SLC8A1: variants seen among roughly 807,000 people sequenced by gnomAD.
SLC8A1 encodes solute carrier family 8 member A1, also known as sodium/calcium exchanger 1.
Under a neutral mutation model 68.3 loss-of-function variants are expected in SLC8A1, and 18 were observed. The observed-to-expected ratio is 0.26, with a 90% CI of 0.18 to 0.39. The LOEUF is 0.39. Ranked by LOEUF, SLC8A1 falls within the 10% of genes least tolerant of loss-of-function variation. The pLI, the probability that SLC8A1 is intolerant of heterozygous loss-of-function variation, is 1.00. For missense variants in SLC8A1, 985 were observed against 1,156.7 expected, an observed-to-expected ratio of 0.85 and a Z score of 2.15; for synonymous variants, 475 against 415.5, an observed-to-expected ratio of 1.14 and a Z score of -1.74.
At chr2:40,393,322 G>T (rs1370393294) in intron 2 of SLC8A1, among the ~76,000 whole-genome samples, 1 of 152,052 alleles carries the variant, frequency 6.6e-6, no homozygotes, top group Non-Finnish European at 1.5e-5. Flanking sequence ...ATTTCTCAAA[G>T]CATGTGCATT....
chr2:40,428,882 T>C, exon 2 of SLC8A1: 1 of 1,613,830 alleles, frequency 6.2e-7, no homozygotes, highest in Non-Finnish European at 8.5e-7. Context: ...TCACCAGGCT[T>C]AAACACCACA....
intron 1 of SLC8A1, among the ~76,000 whole-genome samples, chr2:40,502,279 G>A (rs1215832017): frequency 4.6e-5 from 7 of 151,986 alleles, no homozygotes; most frequent in Non-Finnish European, 1.0e-4. Context: ...CACTGAAGAA[G>A]GCACAATCAT....
intron 1 of SLC8A1, among the ~76,000 whole-genome samples, chr2:40,507,756 T>A (rs1054045168): frequency 4.6e-5 from 7 of 152,036 alleles, no homozygotes; most frequent in Admixed American, 4.6e-4. Context: ...ATTGTCAGAA[T>A]TAATAAATTA....
At chr2:40,249,143 T>G (rs769333495) in intron 2 of SLC8A1, among the ~76,000 whole-genome samples, 71 of 152,190 alleles carry the variant, frequency 4.7e-4, no homozygotes, top group Non-Finnish European at 7.3e-4. Context: ...AGCTAAGATC[T>G]GCACTACTTT....
At chr2:40,504,373 G>A (rs1365261822) in intron 1 of SLC8A1, among the ~76,000 whole-genome samples, 1 of 152,010 alleles carries the variant, frequency 6.6e-6, no homozygotes, top group African/African-American at 2.4e-5. Context: ...AAACCTTGAA[G>A]AACATCTCCA....
intron 2 of SLC8A1, among the ~76,000 whole-genome samples, chr2:40,221,449 G>A (rs532296148): frequency 6.6e-6 from 1 of 152,222 alleles, no homozygotes; most frequent in Non-Finnish European, 1.5e-5. Flanking sequence ...AAACCTGGAA[G>A]CATTCCCTTT....
rs1216356085 is a variant in SLC8A1, at chr2:40,430,312, A to G, written c.-24-8T>C. The G allele has an allele frequency of 1.3e-6, 2 of 1,570,492 alleles. No individual in the cohort carries two copies. Among genetic ancestry groups the G allele is most frequent in the Admixed American group, 3.7e-5 (2 of 53,956 alleles). ...TCCAACTGTCACAACCTACTGGTAA[A>G]AATAAGATGGGGGAGAGGGCAGAAA... On this transcript the variant is annotated splice_region_variant and splice_polypyrimidine_tract_variant and intron_variant, in intron 1 of 7. Coordinates refer to ENST00000406785, the Ensembl canonical transcript of SLC8A1.
chr2:40,196,533 C>T (rs555504713), intron 2 of SLC8A1, among the ~76,000 whole-genome samples: 65 of 151,934 alleles, frequency 4.3e-4, no homozygotes, highest in Non-Finnish European at 6.3e-4. Flanking sequence ...ATCATCAAAT[C>T]AGAGCCTCTG....
intron 2 of SLC8A1, among the ~76,000 whole-genome samples, chr2:40,296,278 A>G (rs2149250527): frequency 6.6e-6 from 1 of 152,302 alleles, no homozygotes; most frequent in Non-Finnish European, 1.5e-5. Context: ...CAAGAGGGAA[A>G]TGACTAGGTC....
intron 2 of SLC8A1, among the ~76,000 whole-genome samples, chr2:40,388,217 G>A (rs1236323398): frequency 6.6e-6 from 1 of 152,118 alleles, no homozygotes; most frequent in Non-Finnish European, 1.5e-5. Flanking sequence ...ATAATTAAAT[G>A]CATAAAAGTG....
chr2:40,421,078 C>A (rs60409867), intron 2 of SLC8A1, among the ~76,000 whole-genome samples: 9,781 of 152,068 alleles, frequency 0.064, 898 homozygotes, highest in African/African-American at 0.21. Context: ...TCACCACCAC[C>A]ACCACCAACA....
At chr2:40,387,559 C>T (rs1048791681) in intron 2 of SLC8A1, among the ~76,000 whole-genome samples, 1 of 151,262 alleles carries the variant, frequency 6.6e-6, no homozygotes, top group African/African-American at 2.5e-5. Context: ...AAGAAAGGGG[C>T]ATCCTAGACG....
intron 2 of SLC8A1, among the ~76,000 whole-genome samples, chr2:40,332,867 C>G (rs139314018): frequency 6.6e-6 from 1 of 152,194 alleles, no homozygotes; most frequent in Non-Finnish European, 1.5e-5. Context: ...TCCTTTTGAC[C>G]CAAATGGCAT....
chr2:40,464,853 C>T (rs1179899369), intron 1 of SLC8A1, among the ~76,000 whole-genome samples: 2 of 152,122 alleles, frequency 1.3e-5, no homozygotes, highest in African/African-American at 4.8e-5. Flanking sequence ...AAGAGTCCAT[C>T]TCAGTGGGGA....
intron 2 of SLC8A1, among the ~76,000 whole-genome samples, chr2:40,306,459 G>C (rs2072624484): frequency 6.8e-6 from 1 of 146,812 alleles, no homozygotes; most frequent in South Asian, 2.2e-4. Context: ...TTGTGGGGGG[G>C]GGCATAGCGT....
chr2:40,279,443 A>T (rs1469685576), intron 2 of SLC8A1, among the ~76,000 whole-genome samples: 1 of 152,194 alleles, frequency 6.6e-6, no homozygotes, highest in Non-Finnish European at 1.5e-5. Flanking sequence ...TCCTTAAACT[A>T]GGATCTTTAG....
exon 8 of SLC8A1, chr2:40,099,567 T>C (rs1353907858): frequency 1.3e-5 from 2 of 152,088 alleles, no homozygotes; most frequent in African/African-American, 4.8e-5. Flanking sequence ...TGTCAGTCTT[T>C]GAAGGTCATT....
intron 2 of SLC8A1, among the ~76,000 whole-genome samples, chr2:40,383,087 C>G (rs763168666): frequency 7.9e-5 from 12 of 151,936 alleles, no homozygotes; most frequent in Non-Finnish European, 1.5e-4. Context: ...ACCTATTATC[C>G]CTGCTTTGAT....
chr2:40,216,144 T>C (rs2057445308), intron 2 of SLC8A1, among the ~76,000 whole-genome samples: 3 of 152,020 alleles, frequency 2.0e-5, no homozygotes, highest in Admixed American at 2.0e-4. Flanking sequence ...TCCTCTAAGT[T>C]TCCTCCCCTC....
Sources: gnomAD v4.1 joint callset for allele counts (sites outside exome capture counted in the v4.1 genomes callset) on GRCh38, gnomAD v4.1.1 for gene constraint, MANE v1.5 for transcripts, NCBI Gene and HGNC (gene_info 2026-07-23, HGNC 2026-07-21) for gene names.